The following RANBP17 variants were observed in gnomAD, a reference collection of about 807,000 sequenced individuals.
The protein encoded by RANBP17 is RAN binding protein 17.
RANBP17 carries 158 observed loss-of-function variants against 141.2 expected under a neutral mutation model. The ratio of observed to expected loss-of-function variants is 1.12; its 90% confidence interval spans 0.98 to 1.28. RANBP17 has a LOEUF of 1.28. RANBP17 is among the 50% of genes most tolerant of loss of function. The probability of loss-of-function intolerance (pLI) is 0.00; values close to 1 mark genes in which losing one functional copy is unlikely to be tolerated. For synonymous variants in RANBP17, 430 were observed against 450.0 expected (o/e 0.96, Z 0.56); for missense variants, 1,438 against 1,290.7 (o/e 1.11, Z -1.75).
At chr5:170,874,719 G>T (rs1768034392) in intron 1 of RANBP17, among the ~76,000 whole-genome samples, 1 of 151,366 alleles carries the variant, frequency 6.6e-6, no homozygotes, top group South Asian at 2.1e-4. Context: ...GCCTATGTAT[G>T]TCTTTGCATG....
intron 13 of RANBP17, among the ~76,000 whole-genome samples, chr5:170,964,901 G>A (rs1224928602): frequency 6.6e-6 from 1 of 152,096 alleles, no homozygotes; most frequent in African/African-American, 2.4e-5. Flanking sequence ...ATAGTCCTTT[G>A]GGTATATACC....
chr5:171,137,572 ATGTG>A (rs140713117), intron 14 of RANBP17, among the ~76,000 whole-genome samples: 57 of 141,106 alleles, frequency 4.0e-4, no homozygotes, highest in Middle Eastern at 3.6e-3. Flanking sequence ...TTGACTTGAG[ATGTG>A]TGTGTGTGTG....
rs930227923 is a variant in RANBP17, at chr5:171,230,830, A to G, written c.2422+8990A>G. On this transcript the variant is annotated intron_variant, in intron 22 of 27. Coordinates refer to ENST00000523189, the MANE Select transcript of RANBP17 (RefSeq NM_022897.5). ...TTCTTTAAGGAAAATACTGGATGGT[A>G]TGACCATATTTACATTTTTGAGAAA... is the stretch of plus-strand genomic sequence containing the variant. Among the ~76,000 whole-genome samples the G allele has an allele frequency of 1.4e-4, 22 of 152,284 alleles. No homozygotes were observed. The East Asian group carries it at 4.1e-3, about 28-fold the overall frequency.
intron 14 of RANBP17, among the ~76,000 whole-genome samples, chr5:171,140,862 C>T (rs1757641107): frequency 1.3e-5 from 2 of 152,174 alleles, no homozygotes; most frequent in African/African-American, 4.8e-5. Context: ...ATCCATGTGT[C>T]ATGAAGACAT....
At chr5:171,246,356 G>A (rs1184645617) in intron 24 of RANBP17, among the ~76,000 whole-genome samples, 1 of 152,220 alleles carries the variant, frequency 6.6e-6, no homozygotes, top group East Asian at 1.9e-4. Context: ...AGCCTGTTTG[G>A]CTTTGTTTGG....
At chr5:170,940,233 A>G (rs7704480) in intron 12 of RANBP17, among the ~76,000 whole-genome samples, 97,725 of 152,002 alleles carry the variant, frequency 0.64, 32,125 homozygotes, top group South Asian at 0.9. Flanking sequence ...GGAGGCTAGG[A>G]TCATTGTTAA....
intron 18 of RANBP17, among the ~76,000 whole-genome samples, chr5:171,190,832 T>C (rs943011209): frequency 1.2e-4 from 18 of 152,222 alleles, no homozygotes; most frequent in Admixed American, 4.6e-4. Flanking sequence ...ACCAAAATTA[T>C]TATTTGCAAA....
intron 13 of RANBP17, among the ~76,000 whole-genome samples, chr5:170,964,239 T>C (rs896964766): frequency 2.0e-5 from 3 of 152,214 alleles, no homozygotes; most frequent in African/African-American, 7.2e-5. Flanking sequence ...AAATGTGTGT[T>C]ATAGATGGAC....
At chr5:170,940,617 G>A (rs746814133) in intron 12 of RANBP17, among the ~76,000 whole-genome samples, 7 of 152,104 alleles carry the variant, frequency 4.6e-5, no homozygotes, top group Non-Finnish European at 8.8e-5. Context: ...ATTGATAGTC[G>A]TGCAGGGAGA....
At chr5:170,888,774 C>A (rs971863762) in intron 3 of RANBP17, among the ~76,000 whole-genome samples, 1 of 151,966 alleles carries the variant, frequency 6.6e-6, no homozygotes, top group Non-Finnish European at 1.5e-5. Flanking sequence ...GCTTTTTTCC[C>A]AATCTTAGTG....
chr5:170,990,915 C>T (rs563781161), intron 14 of RANBP17, among the ~76,000 whole-genome samples: 44 of 151,922 alleles, frequency 2.9e-4, no homozygotes, highest in African/African-American at 9.9e-4. Context: ...AAGGCATTGT[C>T]GGGGTGCATC....
At chr5:171,038,573 G>A (rs28886663) in intron 14 of RANBP17, among the ~76,000 whole-genome samples, 494 of 152,084 alleles carry the variant, frequency 3.2e-3, no homozygotes, top group African/African-American at 0.011. Context: ...GTATCATGTC[G>A]GGTATGGGTT....
chr5:171,122,690 G>A (rs1756127065), intron 14 of RANBP17, among the ~76,000 whole-genome samples: 1 of 152,184 alleles, frequency 6.6e-6, no homozygotes, highest in Non-Finnish European at 1.5e-5. Flanking sequence ...CTTGGCCTTT[G>A]GAGGCCCTGA....
intron 14 of RANBP17, among the ~76,000 whole-genome samples, chr5:171,025,101 C>T (rs1046532689): frequency 6.6e-6 from 1 of 152,106 alleles, no homozygotes; most frequent in African/African-American, 2.4e-5. Flanking sequence ...CAAAATTCCC[C>T]CTTCTATGTA....
intron 14 of RANBP17, among the ~76,000 whole-genome samples, chr5:171,001,822 C>T (rs910114164): frequency 2.6e-5 from 4 of 151,980 alleles, no homozygotes; most frequent in Admixed American, 2.6e-4. Flanking sequence ...AAGGCAAAAC[C>T]GAGGAATTAC....
intron 14 of RANBP17, among the ~76,000 whole-genome samples, chr5:171,155,584 G>A (rs1321750278): frequency 6.6e-6 from 1 of 151,942 alleles, no homozygotes; most frequent in Non-Finnish European, 1.5e-5. Flanking sequence ...ACTTATTTCC[G>A]TGAACCCTTC....
At chr5:170,903,803 C>A in intron 5 of RANBP17, 1 of 392,918 alleles carries the variant, frequency 2.5e-6, no homozygotes. Context: ...AGAATAAGCC[C>A]TTTGTTGCAG....
At chr5:171,084,295 C>G (rs966937438) in intron 14 of RANBP17, among the ~76,000 whole-genome samples, 1 of 147,866 alleles carries the variant, frequency 6.8e-6, no homozygotes, top group Non-Finnish European at 1.5e-5. Context: ...ATGAACTCAT[C>G]ATTTTTTATG....
intron 16 of RANBP17, among the ~76,000 whole-genome samples, chr5:171,178,290 TGTTA>T (rs1173289072): frequency 1.3e-5 from 2 of 151,792 alleles, no homozygotes; most frequent in East Asian, 3.9e-4. Context: ...TCTGTTCCTG[TGTTA>T]GTTCGCAGAG....
Sources: allele counts gnomAD v4.1 joint callset (sites outside exome capture counted in the v4.1 genomes callset), GRCh38; gene constraint gnomAD v4.1.1; transcripts MANE v1.5; gene names NCBI Gene and HGNC (gene_info 2026-07-23, HGNC 2026-07-21).